The following EFTUD2 variants were observed in gnomAD, a reference collection of about 807,000 sequenced individuals.
The protein encoded by EFTUD2 is elongation factor Tu GTP binding domain containing 2.
In EFTUD2, 9 loss-of-function variants were observed where a neutral mutation model predicts 114.3. The ratio of observed to expected loss-of-function variants is 0.08; its 90% CI spans 0.05 to 0.14. The LOEUF is 0.14. Ranked by LOEUF, EFTUD2 falls within the 10% of genes least tolerant of loss-of-function variation. The pLI is 1.00. For missense variants in EFTUD2, 765 were observed against 1,241.2 expected, an observed-to-expected ratio of 0.62 and a Z score of 5.76; for synonymous variants, 449 against 462.3, an observed-to-expected ratio of 0.97 and a Z score of 0.37.
chr17:44,859,645 A>G (rs1269397723), intron 18 of EFTUD2: 7 of 553,616 alleles, frequency 1.3e-5, no homozygotes, highest in East Asian at 9.0e-5. Flanking sequence ...AAATACGCAC[A>G]CACACACACA....
chr17:44,850,290 G>A lies in EFTUD2; in HGVS notation c.*984C>T. The A allele has an allele frequency of 1.3e-6, 2 of 1,546,454 alleles. No individual in the cohort carries two copies. The highest frequency in any genetic ancestry group is 1.8e-6 in the Non-Finnish European group (2 of 1,127,572). ...GCCTGAGAGCCAGAGGACGGGTGAA[G>A]GGTTTGATGCCAAGGGGCATTATTT... On this transcript the variant is annotated 3_prime_UTR_variant, in exon 28 of 28. Transcript: ENST00000426333.
intron 11 of EFTUD2, among the ~76,000 whole-genome samples, chr17:44,868,646 TG>T (rs1012813017): frequency 2.0e-5 from 3 of 152,236 alleles, no homozygotes; most frequent in Non-Finnish European, 2.9e-5. Context: ...TTTCCTTCGA[TG>T]GAACAGGGTC....
At chr17:44,864,385 C>T (rs1275958848) in intron 14 of EFTUD2, among the ~76,000 whole-genome samples, 1 of 152,196 alleles carries the variant, frequency 6.6e-6, no homozygotes, top group African/African-American at 2.4e-5. Context: ...TGAGAAGACC[C>T]TCAGCCATCA....
intron 20 of EFTUD2, among the ~76,000 whole-genome samples, chr17:44,856,702 G>C (rs2050560728): frequency 6.6e-6 from 1 of 150,718 alleles, no homozygotes; most frequent in Non-Finnish European, 1.5e-5. Context: ...CATAGTCCTA[G>C]CTGCTTGGGA....
intron 1 of EFTUD2, among the ~76,000 whole-genome samples, chr17:44,894,871 C>G (rs1458076160): frequency 6.6e-6 from 1 of 152,218 alleles, no homozygotes; most frequent in Non-Finnish European, 1.5e-5. Context: ...AGGAGGTCCC[C>G]CTCCCTCCAC....
At chr17:44,860,208 G>C in intron 17 of EFTUD2, 163 bp from the exon 18 acceptor site, 1 of 973,892 alleles carries the variant, frequency 1.0e-6, no homozygotes, top group Non-Finnish European at 1.5e-6. Context: ...TTTCTTCCCA[G>C]GTATTCTGGC....
chr17:44,879,275 G>A (rs1333769575), intron 9 of EFTUD2, among the ~76,000 whole-genome samples: 5 of 152,086 alleles, frequency 3.3e-5, no homozygotes, highest in African/African-American at 7.2e-5. Context: ...TGGTAGAGAC[G>A]GGGTTTCGCC....
At chr17:44,883,621 T>C (rs1597819975) in intron 5 of EFTUD2, 28 bp downstream of exon 5, 2 of 1,603,940 alleles carry the variant, frequency 1.2e-6, no homozygotes, top group African/African-American at 2.7e-5. Context: ...AGAAATCCTG[T>C]TCCAAGTAGC....
In EFTUD2 at chr17:44,849,961, CCTCTT is replaced by C; in HGVS notation, c.*1308_*1312del. On this transcript the variant is annotated 3_prime_UTR_variant, in exon 28 of 28. Coordinates refer to ENST00000426333, the MANE Select transcript of EFTUD2 (RefSeq NM_004247.4). ...ACAGAACAGATGTTGAATTTCTCTTCCTCTTGAGATTAAAAAGCAGACAGCCACTT... is the reference window on the plus strand; with the variant it reads ...ACAGAACAGATGTTGAATTTCTCTTCGAGATTAAAAAGCAGACAGCCACTT... The C allele has an allele frequency of 9.3e-6, 2 of 214,278 alleles. No individual in the cohort carries two copies. Among genetic ancestry groups the C allele is most frequent in the South Asian group, 1.9e-4 (2 of 10,772 alleles). The allele number at this position is 214,278 out of a possible 1,614,324, so 13.3% of individuals were successfully genotyped here.
intron 11 of EFTUD2, among the ~76,000 whole-genome samples, chr17:44,870,013 TTAG>T (rs2050818608): frequency 1.3e-5 from 2 of 152,350 alleles, no homozygotes; most frequent in Middle Eastern, 3.4e-3. Flanking sequence ...TCCTACTCTA[TTAG>T]TAATTTCTGT....
intron 14 of EFTUD2, 179 bp from the exon 15 acceptor site, chr17:44,863,961 T>G: frequency 1.3e-6 from 1 of 761,406 alleles, no homozygotes; most frequent in Admixed American, 3.5e-5. Context: ...GCTAGAAGAT[T>G]TGGAGTCACC....
chr17:44,881,971 G>A (rs544206039), intron 6 of EFTUD2: 85 of 465,668 alleles, frequency 1.8e-4, no homozygotes, highest in South Asian at 1.1e-3. Flanking sequence ...TGCTCTTGTA[G>A]CCCAGGCTGG....
At chr17:44,857,920 C>CTTTTTTTT (rs528299306) in intron 19 of EFTUD2, among the ~76,000 whole-genome samples, 1,712 of 127,366 alleles carry the variant, frequency 0.013, 66 homozygotes, top group African/African-American at 0.038. Context: ...TTTCTTTTTC[C>CTTTTTTTT]TTTTTTTTTT....
intron 20 of EFTUD2, among the ~76,000 whole-genome samples, chr17:44,856,300 G>C (rs937372068): frequency 1.3e-5 from 2 of 151,716 alleles, no homozygotes; most frequent in Non-Finnish European, 2.9e-5. Context: ...AGGCCGAGGC[G>C]GGCGGACTGC....
At chr17:44,891,394 C>T (rs752040952) in intron 2 of EFTUD2, among the ~76,000 whole-genome samples, 3 of 152,144 alleles carry the variant, frequency 2.0e-5, no homozygotes, top group Admixed American at 6.5e-5. Context: ...CTGTTGCCCA[C>T]GCTAGAGTGC....
chr17:44,881,832 T>A, intron 6 of EFTUD2, 110 bp from the exon 7 acceptor site: 1 of 1,020,436 alleles, frequency 9.8e-7, no homozygotes, highest in Non-Finnish European at 1.5e-6. Flanking sequence ...TCTTTGAGAT[T>A]AAAGAGAGAG....
rs1244501042 is a variant in EFTUD2, at chr17:44,865,167, C to T, written c.1150-102G>A. The T allele has an allele frequency of 6.0e-6, 9 of 1,495,772 alleles. No individual in the cohort carries two copies. In the East Asian group the frequency reaches 2.1e-4, roughly 35 times the overall value. 92.7% of individuals were successfully genotyped at this position (1,495,772 alleles called of 1,614,324 possible). ...AAGAAATATCTGAAGAACTCCTTCA[C>T]AAGGCTCTCTTCTATGGAGACAAAG... On this transcript the variant is annotated intron_variant, in intron 13 of 27. Coordinates refer to ENST00000426333, the MANE Select transcript of EFTUD2 (RefSeq NM_004247.4).
At chr17:44,862,642 C>T (rs2050678442) in intron 16 of EFTUD2, 71 bp downstream of exon 16, 7 of 1,440,112 alleles carry the variant, frequency 4.9e-6, no homozygotes, top group Middle Eastern at 2.1e-4. Flanking sequence ...GAGGATCACT[C>T]CTTCCAGCTC....
intron 10 of EFTUD2, 158 bp from the exon 11 acceptor site, chr17:44,872,728 T>C: frequency 1.3e-6 from 1 of 770,166 alleles, no homozygotes; most frequent in Non-Finnish European, 1.9e-6. Context: ...TCCAAGAAAG[T>C]GACATGATGG....
Sources: allele counts gnomAD v4.1 joint callset (sites outside exome capture counted in the v4.1 genomes callset), GRCh38; gene constraint gnomAD v4.1.1; transcripts MANE v1.5; gene names NCBI Gene and HGNC (gene_info 2026-07-23, HGNC 2026-07-21).